Variants in TMPRSS11D observed in about 807,000 individuals in gnomAD.
TMPRSS11D encodes transmembrane serine protease 11D, also known as transmembrane protease serine 11D.
A neutral mutation model predicts 44.4 loss-of-function variants in TMPRSS11D; 32 were observed. The ratio of observed to expected loss-of-function variants is 0.72; its 90% CI spans 0.54 to 0.97. The LOEUF is 0.97. Ranked by LOEUF, TMPRSS11D falls within the 50% of genes least tolerant of loss-of-function variation. The pLI, the probability that TMPRSS11D is intolerant of heterozygous loss-of-function variation, is 0.00. For missense variants in TMPRSS11D, 446 were observed against 502.6 expected, an observed-to-expected ratio of 0.89 and a Z score of 1.08; for synonymous variants, 179 against 177.9, an observed-to-expected ratio of 1.01 and a Z score of -0.05.
chr4:67,868,538 C>T (rs1271829406), intron 1 of TMPRSS11D, among the ~76,000 whole-genome samples: 5 of 152,108 alleles, frequency 3.3e-5, no homozygotes, highest in African/African-American at 7.2e-5. Flanking sequence ...CGGGTAGGCC[C>T]TCTGGGTAAA....
chr4:67,834,030 C>T (rs1341587726), intron 6 of TMPRSS11D, among the ~76,000 whole-genome samples: 1 of 152,106 alleles, frequency 6.6e-6, no homozygotes, highest in Non-Finnish European at 1.5e-5. Flanking sequence ...CAGAGGGTTT[C>T]TAGTATCTAA....
chr4:67,834,882 C>T (rs1256281054), intron 6 of TMPRSS11D, among the ~76,000 whole-genome samples: 2 of 151,988 alleles, frequency 1.3e-5, no homozygotes, highest in Non-Finnish European at 2.9e-5. Flanking sequence ...CTTCCTTTTT[C>T]TAAAAGGAAA....
intron 1 of TMPRSS11D, among the ~76,000 whole-genome samples, chr4:67,860,786 C>T (rs1650660778): frequency 6.6e-6 from 1 of 151,924 alleles, no homozygotes; most frequent in African/African-American, 2.4e-5. Flanking sequence ...TTTGTTTTGC[C>T]AACATTCTGG....
At chr4:67,827,146 GT>G in intron 8 of TMPRSS11D, 114 bp downstream of exon 8, 1 of 1,378,778 alleles carries the variant, frequency 7.3e-7, no homozygotes, top group Non-Finnish European at 9.7e-7. Context: ...ATATAGAATG[GT>G]TCTGTCTGTA....
At position 67,833,324 on chromosome 4, in the gene TMPRSS11D, G is replaced by C; in HGVS notation, c.572C>G (p.Thr191Ser). 1.3e-6 allele frequency: 2 copies of C among 1,592,012 alleles called. No homozygotes were observed. Among genetic ancestry groups the C allele is most frequent in the Non-Finnish European group, 1.7e-6 (2 of 1,169,684 alleles). ...CGGCCAGCTTCCCTCCTCAGCCTCA[G>C]TGCCTCCAAGGATTCTCTGCTCAGA... is the stretch of plus-strand genomic sequence containing the variant. ...TLSEQRILGG[T>S]EAEEGSWPWQ... Residue 191 changes from threonine to serine, a missense_variant, in exon 7 of 10, where the codon ACT (threonine) becomes AGT (serine). Thr to Ser is a moderately conservative substitution (Grantham distance 58). Transcript: ENST00000283916.
At chr4:67,833,423 C>A in intron 6 of TMPRSS11D, 42 bp from the exon 7 acceptor site, 1 of 1,370,876 alleles carries the variant, frequency 7.3e-7, no homozygotes, top group South Asian at 2.0e-5. Context: ...GATCATGATT[C>A]CTTTACATTT....
At chr4:67,873,500 A>G (rs1387263727) in intron 1 of TMPRSS11D, among the ~76,000 whole-genome samples, 11 of 152,222 alleles carry the variant, frequency 7.2e-5, no homozygotes, top group Non-Finnish European at 4.4e-5. Context: ...ATAAATAAGA[A>G]AGGAATATAT....
Position 67,835,051 on chromosome 4 carries a change from A to T in TMPRSS11D, c.514+32T>A, listed in dbSNP as rs1374935640. 6.2e-6 allele frequency: 10 copies of T among 1,605,362 alleles called. No homozygotes were observed. The African/African-American group carries it at 9.4e-5, about 15-fold the overall frequency. ...CACTTTTACTCTTTATGATTTGGCAAATTACAGTTACAAAATAATATTAAA... is the reference window on the plus strand; with the variant it reads ...CACTTTTACTCTTTATGATTTGGCATATTACAGTTACAAAATAATATTAAA... On this transcript the variant is annotated intron_variant, in intron 6 of 9. Transcript: ENST00000283916.
At chr4:67,843,793 A>C (rs6844828) in intron 3 of TMPRSS11D, among the ~76,000 whole-genome samples, 248 of 152,192 alleles carry the variant, frequency 1.6e-3, no homozygotes, top group Non-Finnish European at 2.9e-3. Flanking sequence ...CGTGGTGGCA[A>C]GTGCCTGCTG....
intron 4 of TMPRSS11D, among the ~76,000 whole-genome samples, chr4:67,839,901 T>C (rs1718189555): frequency 6.6e-6 from 1 of 151,890 alleles, no homozygotes; most frequent in Non-Finnish European, 1.5e-5. Flanking sequence ...TACATATGTA[T>C]ACATGTGCCA....
intron 1 of TMPRSS11D, among the ~76,000 whole-genome samples, chr4:67,866,592 G>A (rs866434971): frequency 9.2e-5 from 14 of 151,914 alleles, no homozygotes; most frequent in Middle Eastern, 3.4e-3. Context: ...AAAATCCTAA[G>A]ACTCCTCCAA....
intron 3 of TMPRSS11D, among the ~76,000 whole-genome samples, chr4:67,847,378 C>T (rs1718384327): frequency 6.6e-6 from 1 of 152,154 alleles, no homozygotes; most frequent in Non-Finnish European, 1.5e-5. Flanking sequence ...TCTTACTGTT[C>T]ATTACTGTGA....
At chr4:67,865,834 A>G (rs560429491) in intron 1 of TMPRSS11D, among the ~76,000 whole-genome samples, 2 of 151,978 alleles carry the variant, frequency 1.3e-5, no homozygotes, top group African/African-American at 4.8e-5. Flanking sequence ...GAGTAGTACA[A>G]TTGAATAAGA....
intron 5 of TMPRSS11D, among the ~76,000 whole-genome samples, chr4:67,837,665 C>G (rs1256189865): frequency 6.6e-6 from 1 of 152,010 alleles, no homozygotes; most frequent in African/African-American, 2.4e-5. Context: ...ATGATGGAGA[C>G]TGGGTGGTAG....
chr4:67,849,220 T>C (rs1718435413), intron 3 of TMPRSS11D, among the ~76,000 whole-genome samples: 1 of 152,148 alleles, frequency 6.6e-6, no homozygotes. Context: ...GGGATAGGTA[T>C]TGTTGGTGGA....
intron 6 of TMPRSS11D, among the ~76,000 whole-genome samples, chr4:67,833,778 C>G (rs1419436674): frequency 1.3e-5 from 2 of 152,128 alleles, no homozygotes; most frequent in Admixed American, 1.3e-4. Flanking sequence ...GCATGGGCAT[C>G]CCCTGGAAAC....
chr4:67,878,851 A>C (rs553034748), intron 1 of TMPRSS11D, among the ~76,000 whole-genome samples: 5 of 152,218 alleles, frequency 3.3e-5, no homozygotes, highest in African/African-American at 1.2e-4. Flanking sequence ...ACTTGAACCC[A>C]GGAGGCAGAG....
At chr4:67,833,791 A>C (rs1159327291) in intron 6 of TMPRSS11D, among the ~76,000 whole-genome samples, 1 of 152,116 alleles carries the variant, frequency 6.6e-6, no homozygotes, top group East Asian at 1.9e-4. Flanking sequence ...CTGGAAACTT[A>C]TTAGAAGTGC....
intron 1 of TMPRSS11D, among the ~76,000 whole-genome samples, chr4:67,880,668 G>A (rs968945943): frequency 6.6e-6 from 1 of 151,402 alleles, no homozygotes; most frequent in African/African-American, 2.4e-5. Flanking sequence ...TTTTTGCTCT[G>A]TCACCCCAGC....
Sources: allele counts gnomAD v4.1 joint callset (sites outside exome capture counted in the v4.1 genomes callset), GRCh38; gene constraint gnomAD v4.1.1; transcripts MANE v1.5; gene names NCBI Gene and HGNC (gene_info 2026-07-23, HGNC 2026-07-21).